Variants in WHRN observed in about 807,000 individuals in gnomAD.
WHRN encodes CASK-interacting protein CIP98.
Under a neutral mutation model 68.3 loss-of-function variants are expected in WHRN, and 41 were observed. The observed-to-expected ratio is 0.60, with a 90% CI of 0.47 to 0.78. WHRN has a LOEUF of 0.78. Ranked by LOEUF, WHRN falls within the 30% of genes least tolerant of loss-of-function variation. The probability of loss-of-function intolerance (pLI) is 0.00; values close to 1 mark genes in which losing one functional copy is unlikely to be tolerated. For synonymous variants in WHRN, 560 were observed against 561.3 expected (o/e 1.00, Z 0.03); for missense variants, 1,243 against 1,244.7 (o/e 1.00, Z 0.02).
intron 1 of WHRN, 83 bp downstream of exon 1, chr9:114,504,101 G>C: frequency 4.4e-6 from 7 of 1,600,356 alleles, no homozygotes; most frequent in Non-Finnish European, 6.0e-6. Flanking sequence ...ATTCATCTAA[G>C]GACACACAGC....
rs150586098 is a variant in WHRN, at chr9:114,402,834, G to T, written c.2644C>A (p.Arg882Ser). ...LRGKEHREAA[R>S]IIAEAFKTKD... ...GTCTTGAAGGCCTCGGCGATAATGCGGGCGGCCTCCCGGTGCTCCTTGCCC... is the reference window on the plus strand; with the variant it reads ...GTCTTGAAGGCCTCGGCGATAATGCTGGCGGCCTCCCGGTGCTCCTTGCCC... Residue 882 changes from arginine (R) to serine (S), a missense_variant, in exon 12 of 12, where the codon CGC (arginine) becomes AGC (serine). Coordinates refer to ENST00000362057, the MANE Select transcript of WHRN (RefSeq NM_015404.4). 395 of 1,614,096 alleles carry T rather than the reference G, an allele frequency of 2.4e-4. No homozygotes were observed. In the African/African-American group the frequency reaches 2.7e-3, roughly 11 times the overall value.
rs777975664 is a variant in WHRN at position 114,406,389 on chromosome 9, G to A, written c.2202C>T (p.Asp734=). 37 of 1,614,038 alleles carry A rather than the reference G, an allele frequency of 2.3e-5. No individual in the cohort carries two copies. Among genetic ancestry groups the A allele is most frequent in the Middle Eastern group, 3.3e-4 (2 of 6,084 alleles). Reference sequence around the variant, plus strand: ...GGGGCAGCGCCCTCACTTCATTGACGTCTGGCTCGCTGTCGGGGCGGTGGA... The same window carrying A: ...GGGGCAGCGCCCTCACTTCATTGACATCTGGCTCGCTGTCGGGGCGGTGGA... The part of the protein sequence containing the change: ...VEVHRPDSEP[D]VNEVRALPQT... Residue 734 remains aspartate (D), a synonymous_variant, in exon 9 of 12, where the codon GAC becomes GAT. Transcript: ENST00000362057.
intron 1 of WHRN, among the ~76,000 whole-genome samples, chr9:114,487,978 G>C (rs1010528078): frequency 2.0e-5 from 3 of 152,170 alleles, no homozygotes; most frequent in African/African-American, 7.2e-5. Context: ...CAATCATCTG[G>C]GGGCTAAATC....
chr9:114,423,273 G>A (rs1460746209), intron 7 of WHRN, 41 bp downstream of exon 7: 1 of 1,598,504 alleles, frequency 6.3e-7, no homozygotes, highest in African/African-American at 1.3e-5. Flanking sequence ...TCTTAACTCT[G>A]CCCTGGCTAC....
At chr9:114,488,727 T>C (rs987483076) in intron 1 of WHRN, among the ~76,000 whole-genome samples, 4 of 152,186 alleles carry the variant, frequency 2.6e-5, no homozygotes, top group Non-Finnish European at 4.4e-5. Context: ...CCCAGTAGCT[T>C]ATTTTAATGT....
intron 2 of WHRN, among the ~76,000 whole-genome samples, chr9:114,475,905 T>C (rs1841610829): frequency 6.6e-6 from 1 of 152,118 alleles, no homozygotes; most frequent in Non-Finnish European, 1.5e-5. Flanking sequence ...GTTCAGGGTG[T>C]CTCCTGCCTC....
intron 7 of WHRN, among the ~76,000 whole-genome samples, chr9:114,413,022 G>A (rs1835560582): frequency 6.6e-6 from 1 of 152,208 alleles, no homozygotes; most frequent in Non-Finnish European, 1.5e-5. Flanking sequence ...CTTCTGTCAA[G>A]CCAACAGGGT....
chr9:114,437,561 T>C (rs1837970475), intron 3 of WHRN, among the ~76,000 whole-genome samples: 1 of 152,116 alleles, frequency 6.6e-6, no homozygotes, highest in African/African-American at 2.4e-5. Flanking sequence ...AGGAGGTAAA[T>C]ACAGTTACCT....
rs1350323144 is a variant in WHRN, at chr9:114,504,475, G to A, written c.327C>T (p.Tyr109=). 2 of 1,608,452 alleles carry A rather than the reference G, an allele frequency of 1.2e-6. No individual in the cohort carries two copies. Among genetic ancestry groups the A allele is most frequent in the Non-Finnish European group, 1.7e-6 (2 of 1,179,782 alleles). ...PRSDQLLFDQ[Y]TAEGLYLPAT... Reference sequence around the variant, plus strand: ...CGGGCAGGTAGAGGCCCTCGGCCGTGTATTGGTCGAAGAGCAGCTGGTCGG... The same window carrying A: ...CGGGCAGGTAGAGGCCCTCGGCCGTATATTGGTCGAAGAGCAGCTGGTCGG... Residue 109 remains tyrosine, a synonymous_variant, in exon 1 of 12, where the codon TAC becomes TAT. Coordinates refer to ENST00000362057, the MANE Select transcript of WHRN (RefSeq NM_015404.4).
Position 114,402,805 on chromosome 9 carries a change from C to G in WHRN, c.2673G>C (p.Lys891Asn), listed in dbSNP as rs1834766525. The G allele has an allele frequency of 1.2e-6, 2 of 1,613,976 alleles. No homozygotes were observed. Among genetic ancestry groups the G allele is most frequent in the Non-Finnish European group, 1.7e-6 (2 of 1,180,056 alleles). Residue 891 changes from lysine (K) to asparagine (N), a missense_variant, in exon 12 of 12, where the codon AAG becomes AAC. Physicochemically the swap from Lys to Asn is moderately conservative, Grantham distance 94. Transcript: ENST00000362057. Reference protein sequence around the residue: ...ARIIAEAFKTKDRDYIDFLVT... With the variant: ...ARIIAEAFKTNDRDYIDFLVT... ...CCAGAAAGTCAATGTAGTCACGGTCCTTAGTCTTGAAGGCCTCGGCGATAA... is the reference window on the plus strand; with the variant it reads ...CCAGAAAGTCAATGTAGTCACGGTCGTTAGTCTTGAAGGCCTCGGCGATAA...
chr9:114,459,238 A>G (rs1325055353), intron 3 of WHRN, among the ~76,000 whole-genome samples: 1 of 152,064 alleles, frequency 6.6e-6, no homozygotes. Context: ...CGGGCGGATC[A>G]CTTGAGGTCA....
At chr9:114,491,662 G>T in intron 1 of WHRN, 5 of 239,994 alleles carry the variant, frequency 2.1e-5, no homozygotes, top group Non-Finnish European at 4.4e-5. Context: ...GCTTTTTGCC[G>T]CCACCCGCAA....
chr9:114,450,679 C>T (rs1042907294), intron 3 of WHRN, among the ~76,000 whole-genome samples: 1 of 152,128 alleles, frequency 6.6e-6, no homozygotes, highest in African/African-American at 2.4e-5. Flanking sequence ...ATTATTACCC[C>T]AGCTTTACAA....
At chr9:114,469,846 G>C (rs1841051491) in intron 2 of WHRN, among the ~76,000 whole-genome samples, 2 of 152,230 alleles carry the variant, frequency 1.3e-5, no homozygotes, top group Non-Finnish European at 2.9e-5. Flanking sequence ...GGCTCCAGAG[G>C]AGAACCCGCT....
intron 3 of WHRN, among the ~76,000 whole-genome samples, chr9:114,429,356 G>C (rs1376333301): frequency 6.6e-6 from 1 of 152,190 alleles, no homozygotes; most frequent in East Asian, 1.9e-4. Context: ...AAGACAATCA[G>C]ATCTGGGTTC....
chr9:114,482,287 G>A (rs556006754), intron 1 of WHRN, among the ~76,000 whole-genome samples: 25 of 152,274 alleles, frequency 1.6e-4, no homozygotes, highest in South Asian at 1.5e-3. Context: ...AAAAGAAACC[G>A]TTAACATCCA....
At position 114,443,309 on chromosome 9, in the gene WHRN, C is replaced by T. The variant is rs144541184; in HGVS notation, c.964-16896G>A. On this transcript the variant is annotated intron_variant, in intron 3 of 11. Coordinates refer to ENST00000362057, the MANE Select transcript of WHRN (RefSeq NM_015404.4). Reference sequence around the variant, plus strand: ...ATCTTACAGTTCTGGGGTCAGAAATCTAACATAGGTCTCACTGGGCTAAAA... The same window carrying T: ...ATCTTACAGTTCTGGGGTCAGAAATTTAACATAGGTCTCACTGGGCTAAAA... Among the ~76,000 whole-genome samples, 6 of 152,336 alleles carry T rather than the reference C, an allele frequency of 3.9e-5. No individual in the cohort carries two copies. The East Asian group carries it at 9.6e-4, about 24-fold the overall frequency.
chr9:114,474,363 C>T (rs1055721866), intron 2 of WHRN, among the ~76,000 whole-genome samples: 1 of 152,128 alleles, frequency 6.6e-6, no homozygotes, highest in African/African-American at 2.4e-5. Flanking sequence ...TTGATTTTGC[C>T]TTCTTCCCTC....
chr9:114,428,383 C>G (rs1837082276), intron 3 of WHRN, among the ~76,000 whole-genome samples: 1 of 152,164 alleles, frequency 6.6e-6, no homozygotes, highest in Non-Finnish European at 1.5e-5. Flanking sequence ...ATTCCAACTC[C>G]AGGACCATCT....
Sources: allele counts gnomAD v4.1 joint callset (sites outside exome capture counted in the v4.1 genomes callset), GRCh38; gene constraint gnomAD v4.1.1; transcripts MANE v1.5; gene names NCBI Gene and HGNC (gene_info 2026-07-23, HGNC 2026-07-21).